The following BACE1-AS variants were observed in gnomAD, a reference collection of about 807,000 sequenced individuals.
BACE1-AS encodes BACE1 antisense RNA (non-protein coding).
At chr11:117,291,838 A>G (rs777739218) in intron 2 of BACE1-AS, 1 of 1,566,464 alleles carries the variant, frequency 6.4e-7, no homozygotes, top group African/African-American at 1.4e-5. Flanking sequence ...AGAGAGTTAA[A>G]AGAGTCAAAA....
intron 2 of BACE1-AS, chr11:117,291,844 CA>C: frequency 6.4e-7 from 1 of 1,558,078 alleles, no homozygotes; most frequent in Non-Finnish European, 8.8e-7. Flanking sequence ...TTAAAAGAGT[CA>C]AAAGGTTTTT....
chr11:117,291,503 C>T (rs925354919), intron 1 of BACE1-AS, among the ~76,000 whole-genome samples: 3 of 152,080 alleles, frequency 2.0e-5, no homozygotes, highest in African/African-American at 2.4e-5. Context: ...GTCTTGAACT[C>T]CTGACCTAGT....
At chr11:117,291,679 C>T (rs2034442257) in intron 1 of BACE1-AS, 1 of 1,479,962 alleles carries the variant, frequency 6.8e-7, no homozygotes, top group Non-Finnish European at 9.4e-7. Context: ...GACACTGTAC[C>T]ATCTCTTTTA....
intron 2 of BACE1-AS, chr11:117,291,969 G>GTT (rs1157143257): frequency 3.8e-6 from 2 of 520,144 alleles, no homozygotes; most frequent in Middle Eastern, 3.5e-4. Context: ...CTGTGCCTCA[G>GTT]TTCCTTCATC....
At chr11:117,292,157 T>C (rs1366201830) in intron 2 of BACE1-AS, 1 of 160,042 alleles carries the variant, frequency 6.2e-6, no homozygotes, top group Admixed American at 6.3e-5. Flanking sequence ...AAATACCTTG[T>C]TTAGTGCTTT....
intron 1 of BACE1-AS, among the ~76,000 whole-genome samples, chr11:117,291,350 C>A (rs1372983820): frequency 2.0e-5 from 3 of 151,432 alleles, no homozygotes; most frequent in Admixed American, 6.6e-5. Context: ...AATCATGGCT[C>A]ACCGCAACCT....
At chr11:117,291,614 T>A in intron 1 of BACE1-AS, 1 of 867,244 alleles carries the variant, frequency 1.2e-6, no homozygotes. Context: ...TAGAAGGGTC[T>A]AAGTGCAGAC....
intron 1 of BACE1-AS, among the ~76,000 whole-genome samples, chr11:117,291,509 C>G (rs2034434214): frequency 6.6e-6 from 1 of 152,018 alleles, no homozygotes; most frequent in Non-Finnish European, 1.5e-5. Context: ...AACTCCTGAC[C>G]TAGTGATCTG....
At chr11:117,292,092 A>C (rs1403884979) in intron 2 of BACE1-AS, 1 of 204,724 alleles carries the variant, frequency 4.9e-6, no homozygotes, top group Non-Finnish European at 9.8e-6. Context: ...GCACTTGGTA[A>C]ATGTTTATTC....
intron 2 of BACE1-AS, chr11:117,291,864 G>A (rs370895260): frequency 4.9e-5 from 70 of 1,421,922 alleles, no homozygotes; most frequent in Non-Finnish European, 5.1e-5. Context: ...TTGATGCTGG[G>A]CTCTGGGCAG....
In BACE1-AS at chr11:117,291,859, G is replaced by A. The variant is rs531164090; in HGVS notation, n.125+88G>A. ...TTAAAAGAGTCAAAAGGTTTTTGAT[G>A]CTGGGCTCTGGGCAGTAGGGGGTTA... On this transcript the variant is annotated intron_variant and non_coding_transcript_variant, in intron 2 of 3. Transcript: ENST00000614401. 2.1e-6 allele frequency: 3 copies of A among 1,463,086 alleles called. No homozygotes were observed. In the Admixed American group the frequency reaches 5.1e-5, roughly 25 times the overall value. 90.6% of individuals were successfully genotyped at this position (1,463,086 alleles called of 1,614,324 possible). A position where few individuals can be genotyped will look rare whatever the true frequency, so the allele number is the denominator to read the frequency against.
intron 2 of BACE1-AS, chr11:117,291,935 G>T: frequency 1.6e-6 from 1 of 612,310 alleles, no homozygotes; most frequent in Admixed American, 2.5e-5. Flanking sequence ...CCTCCTAAGT[G>T]TACCTGCTTG....
At chr11:117,291,781 G>T (rs757786235) in intron 2 of BACE1-AS, 1 of 1,613,188 alleles carries the variant, frequency 6.2e-7, no homozygotes. Flanking sequence ...GGTTGGTGGT[G>T]CCACTGTCCA....
intron 1 of BACE1-AS, chr11:117,291,673 CTG>C (rs1380005124): frequency 6.2e-6 from 9 of 1,449,866 alleles, no homozygotes; most frequent in Non-Finnish European, 9.7e-7. Context: ...CCCTCTGACA[CTG>C]TACCATCTCT....
At chr11:117,291,983 A>G (rs2034452979) in intron 2 of BACE1-AS, 1 of 487,742 alleles carries the variant, frequency 2.1e-6, no homozygotes, top group African/African-American at 1.9e-5. Flanking sequence ...CTTCATCTCT[A>G]AAGTGAGGAT....
intron 1 of BACE1-AS, chr11:117,291,568 GC>G (rs2034437796): frequency 1.7e-6 from 1 of 583,640 alleles, no homozygotes. Flanking sequence ...GAGCCACCAC[GC>G]CTGGCTAGGG....
chr11:117,292,097 T>G (rs2134449218), intron 2 of BACE1-AS: 1 of 197,462 alleles, frequency 5.1e-6, no homozygotes, highest in Non-Finnish European at 1.0e-5. Context: ...TGGTAAATGT[T>G]TATTCTTGTT....
chr11:117,291,478 C>A (rs975992999), intron 1 of BACE1-AS, among the ~76,000 whole-genome samples: 7 of 152,022 alleles, frequency 4.6e-5, no homozygotes, highest in Non-Finnish European at 1.0e-4. Context: ...GGATTTCACC[C>A]TGTTGGTCAG....
intron 1 of BACE1-AS, chr11:117,291,567 C>T (rs1448700349): frequency 1.1e-4 from 65 of 586,720 alleles, no homozygotes; most frequent in Non-Finnish European, 1.4e-4. Context: ...TGAGCCACCA[C>T]GCCTGGCTAG....
Sources: gnomAD v4.1 joint callset for allele counts (sites outside exome capture counted in the v4.1 genomes callset) on GRCh38, gnomAD v4.1.1 for gene constraint, MANE v1.5 for transcripts, NCBI Gene and HGNC (gene_info 2026-07-23, HGNC 2026-07-21) for gene names.